AGPS: variants seen among roughly 807,000 people sequenced by gnomAD.
AGPS encodes alkylglycerone phosphate synthase.
In AGPS, 26 loss-of-function variants were observed where a neutral mutation model predicts 90.7. The observed-to-expected ratio is 0.29, with a 90% CI of 0.21 to 0.40. AGPS has a LOEUF of 0.40. AGPS is among the 10% of genes least tolerant of loss of function. AGPS has a pLI of 1.00. For missense variants in AGPS, 540 were observed against 816.1 expected (o/e 0.66, Z 4.12); for synonymous variants, 294 against 285.3 (o/e 1.03, Z -0.31).
At chr2:177,475,218 G>A (rs1051775997) in intron 10 of AGPS, among the ~76,000 whole-genome samples, 1 of 152,194 alleles carries the variant, frequency 6.6e-6, no homozygotes, top group Non-Finnish European at 1.5e-5. Context: ...GTTGAAAAGA[G>A]TGGAAAGAAT....
intron 1 of AGPS, among the ~76,000 whole-genome samples, chr2:177,406,339 G>A (rs1021049656): frequency 4.6e-5 from 7 of 152,162 alleles, no homozygotes; most frequent in Non-Finnish European, 1.0e-4. Context: ...AAAAATGATT[G>A]ACAGTCAGTG....
chr2:177,440,107 T>G (rs1398268013), intron 5 of AGPS, among the ~76,000 whole-genome samples: 1 of 152,162 alleles, frequency 6.6e-6, no homozygotes, highest in East Asian at 1.9e-4. Flanking sequence ...ATCATGATAT[T>G]TTACATAGTC....
chr2:177,405,656 T>C (rs1685446422), intron 1 of AGPS, among the ~76,000 whole-genome samples: 1 of 147,306 alleles, frequency 6.8e-6, no homozygotes, highest in Non-Finnish European at 1.5e-5. Context: ...GCTTCCATGT[T>C]ATTGCACTAT....
chr2:177,431,074 CA>C (rs1291850582), intron 2 of AGPS, among the ~76,000 whole-genome samples: 1 of 152,150 alleles, frequency 6.6e-6, no homozygotes, highest in Non-Finnish European at 1.5e-5. Flanking sequence ...CCCAGTATTT[CA>C]ACATAGGTTC....
chr2:177,469,554 G>A (rs1687550985), intron 10 of AGPS, among the ~76,000 whole-genome samples: 1 of 151,964 alleles, frequency 6.6e-6, no homozygotes, highest in African/African-American at 2.4e-5. Flanking sequence ...TTCCTTTTCT[G>A]ATCAGCATAC....
At chr2:177,412,556 C>G (rs1329066203) in intron 1 of AGPS, among the ~76,000 whole-genome samples, 2 of 152,092 alleles carry the variant, frequency 1.3e-5, no homozygotes, top group Non-Finnish European at 2.9e-5. Flanking sequence ...CGACAAGCAC[C>G]CTGTATTTTC....
rs557626463 is a variant in AGPS at position 177,508,455 on chromosome 2, G to A, written c.1607+424G>A. Among the ~76,000 whole-genome samples, 264 of 152,214 alleles carry A rather than the reference G, an allele frequency of 1.7e-3. 2 individuals are homozygous for A. The highest frequency in any genetic ancestry group is 6.1e-3 in the African/African-American group (255 of 41,528). Reference sequence around the variant, plus strand: ...TTTGATATTTGTATGTGTAAAAATGGGAATTTAGGTGGTTTATAAAGGAAA... The same window carrying A: ...TTTGATATTTGTATGTGTAAAAATGAGAATTTAGGTGGTTTATAAAGGAAA... On this transcript the variant is annotated intron_variant, in intron 16 of 19. Transcript: ENST00000264167.
rs557044425 is a variant in AGPS at position 177,468,800 on chromosome 2, G to A, written c.1105+276G>A. ...GAATTTCAGGAAAAGTGGTCATTAG[G>A]ATTTAAAATGGTTTATTTTGACATT... On this transcript the variant is annotated intron_variant, in intron 10 of 19. Coordinates refer to ENST00000264167, the MANE Select transcript of AGPS (RefSeq NM_003659.4). Among the ~76,000 whole-genome samples the A allele has an allele frequency of 6.0e-4, 91 of 152,040 alleles. No homozygotes were observed. In the Middle Eastern group the frequency reaches 0.01, roughly 17 times the overall value.
chr2:177,500,395 T>C (rs1372008557), intron 14 of AGPS, among the ~76,000 whole-genome samples: 1 of 152,040 alleles, frequency 6.6e-6, no homozygotes, highest in Admixed American at 6.6e-5. Flanking sequence ...ACACTAATCT[T>C]TTCTTTTTTG....
At chr2:177,489,329 C>T (rs1439634745) in intron 11 of AGPS, among the ~76,000 whole-genome samples, 4 of 152,142 alleles carry the variant, frequency 2.6e-5, no homozygotes, top group Non-Finnish European at 5.9e-5. Flanking sequence ...CGTGATCCGC[C>T]TGCCTCGGCC....
chr2:177,439,729 T>G (rs1686541066), intron 5 of AGPS, among the ~76,000 whole-genome samples: 1 of 152,172 alleles, frequency 6.6e-6, no homozygotes, highest in Non-Finnish European at 1.5e-5. Context: ...CTTAGGCTCT[T>G]AGCAACTAAT....
At chr2:177,438,500 C>A (rs1237545597) in intron 5 of AGPS, among the ~76,000 whole-genome samples, 2 of 152,178 alleles carry the variant, frequency 1.3e-5, no homozygotes, top group Non-Finnish European at 2.9e-5. Flanking sequence ...ACAAAAGTTT[C>A]TTTGCTTTGT....
In AGPS at chr2:177,392,904, C is replaced by G; in HGVS notation, c.115C>G (p.Arg39Gly). 1 of 1,550,392 alleles carries G rather than the reference C, an allele frequency of 6.4e-7. No individual in the cohort carries two copies. The highest frequency in any genetic ancestry group is 8.7e-7 in the Non-Finnish European group (1 of 1,147,230). Reference protein sequence around the residue: ...PDPDRAGRRLRVLSGHLLGRP... With the variant: ...PDPDRAGRRLGVLSGHLLGRP... ...CCCGGACCGCGCCGGGCGGAGGCTG[C>G]GGGTTCTCTCTGGCCATCTGCTGGG... The change falls in exon 1 of 20, where the codon CGG (arginine) becomes GGG (glycine). Residue 39 changes from arginine to glycine, a missense_variant. Coordinates refer to ENST00000264167, the MANE Select transcript of AGPS (RefSeq NM_003659.4).
chr2:177,443,532 A>T (rs1686675453), intron 7 of AGPS, among the ~76,000 whole-genome samples: 1 of 152,200 alleles, frequency 6.6e-6, no homozygotes, highest in African/African-American at 2.4e-5. Flanking sequence ...AGATTCAGGC[A>T]TTGCCTTTTT....
At chr2:177,402,128 G>A (rs375139849) in intron 1 of AGPS, among the ~76,000 whole-genome samples, 2 of 152,130 alleles carry the variant, frequency 1.3e-5, no homozygotes, top group African/African-American at 4.8e-5. Context: ...GATAAGTACT[G>A]TAGAAAAAAG....
chr2:177,538,379 C>T lies in AGPS; in HGVS notation c.*184C>T. ...CATCTATGGATTGACAGATAGTATT[C>T]CTAAATCTCTCTCATTGTAGGTACA... On this transcript the variant is annotated 3_prime_UTR_variant, in exon 20 of 20. Transcript: ENST00000264167. The T allele has an allele frequency of 1.5e-6, 1 of 656,080 alleles. No homozygotes were observed. Among genetic ancestry groups the T allele is most frequent in the East Asian group, 2.8e-5 (1 of 35,508 alleles). The allele number at this position is 656,080 out of a possible 1,614,324, so 40.6% of individuals were successfully genotyped here.
rs886055178 is a variant in AGPS, at chr2:177,540,054, T to TATAC, written c.*1859_*1860insATAC. 2.3e-5 allele frequency: 2 copies of TATAC among 85,542 alleles called. No individual in the cohort carries two copies. The highest frequency in any genetic ancestry group is 7.9e-5 in the African/African-American group (2 of 25,450). The allele number at this position is 85,542 out of a possible 1,614,324, so 5.3% of individuals were successfully genotyped here. On this transcript the variant is annotated 3_prime_UTR_variant, in exon 20 of 20. Transcript: ENST00000264167. ...AAGTATATATATATATATATATATA[T>TATAC]GTATGCATGTGTGTGTGTGTATATA...
intron 9 of AGPS, among the ~76,000 whole-genome samples, chr2:177,466,751 G>A (rs534718216): frequency 2.2e-4 from 34 of 152,328 alleles, no homozygotes; most frequent in African/African-American, 7.9e-4. Context: ...ATTGGAGCAG[G>A]CACTGGAATG....
At chr2:177,500,077 T>C (rs13420517) in intron 14 of AGPS, among the ~76,000 whole-genome samples, 2 of 151,958 alleles carry the variant, frequency 1.3e-5, no homozygotes, top group Non-Finnish European at 2.9e-5. Flanking sequence ...CATTGTCCTC[T>C]TACTCTGTGG....
Sources: allele counts gnomAD v4.1 joint callset (sites outside exome capture counted in the v4.1 genomes callset), GRCh38; gene constraint gnomAD v4.1.1; transcripts MANE v1.5; gene names NCBI Gene and HGNC (gene_info 2026-07-23, HGNC 2026-07-21).